TSPAN15: variants seen among roughly 807,000 people sequenced by gnomAD.
TSPAN15 encodes tetraspanin-15.
Under a neutral mutation model 34.5 loss-of-function variants are expected in TSPAN15, and 20 were observed. The ratio of observed to expected loss-of-function variants is 0.58; its 90% CI spans 0.41 to 0.84. The LOEUF is 0.84. TSPAN15 is among the 40% of genes least tolerant of loss of function. TSPAN15 has a pLI of 0.00. For synonymous variants in TSPAN15, 155 were observed against 153.9 expected (o/e 1.01, Z -0.05); for missense variants, 313 against 386.1 (o/e 0.81, Z 1.59).
chr10:69,481,988 A>C (rs1005339015), intron 1 of TSPAN15, among the ~76,000 whole-genome samples: 5 of 152,022 alleles, frequency 3.3e-5, no homozygotes, highest in African/African-American at 1.2e-4. Flanking sequence ...CCTCAGTGTC[A>C]GAATGTCTTG....
intron 1 of TSPAN15, among the ~76,000 whole-genome samples, chr10:69,464,829 G>A (rs1318448554): frequency 6.6e-6 from 1 of 152,222 alleles, no homozygotes; most frequent in Non-Finnish European, 1.5e-5. Context: ...AATCTCTAGT[G>A]TGCAGGGGGG....
chr10:69,498,181 A>G (rs1391009315), intron 4 of TSPAN15, 99 bp from the exon 5 acceptor site: 2 of 1,056,240 alleles, frequency 1.9e-6, no homozygotes, highest in East Asian at 2.4e-5. Context: ...GGTGACCCAC[A>G]TAATAAACTG....
chr10:69,490,859 C>T (rs1841953342), intron 3 of TSPAN15, among the ~76,000 whole-genome samples: 1 of 152,092 alleles, frequency 6.6e-6, no homozygotes, highest in Non-Finnish European at 1.5e-5. Context: ...GTTCCTTTTC[C>T]CAAATATTTT....
the TSPAN15 span, among the ~76,000 whole-genome samples, chr10:69,540,914 T>A: frequency 7.6e-4 from 115 of 152,282 alleles, no homozygotes; most frequent in African/African-American, 2.6e-3. Flanking sequence ...AGGCTGCAGC[T>A]GGCAGGAAGA....
chr10:69,518,325 C>T, the TSPAN15 span, among the ~76,000 whole-genome samples: 1 of 152,266 alleles, frequency 6.6e-6, no homozygotes, highest in Non-Finnish European at 1.5e-5. Context: ...ACGGGTGTCT[C>T]ACCCGAGTGC....
chr10:69,526,145 G>A, the TSPAN15 span, among the ~76,000 whole-genome samples: 2 of 147,312 alleles, frequency 1.4e-5, no homozygotes, highest in African/African-American at 2.5e-5. Context: ...TATAACCACA[G>A]ATATTGAAGA....
At chr10:69,498,167 C>G in intron 4 of TSPAN15, 113 bp from the exon 5 acceptor site, 1 of 892,846 alleles carries the variant, frequency 1.1e-6, no homozygotes, top group Non-Finnish European at 1.8e-6. Flanking sequence ...TCTCCCTGCC[C>G]CAGGGTGACC....
chr10:69,537,226 A>T, the TSPAN15 span, among the ~76,000 whole-genome samples: 1 of 152,146 alleles, frequency 6.6e-6, no homozygotes, highest in African/African-American at 2.4e-5. Context: ...CACCCTCATG[A>T]CCATGTGGCT....
At chr10:69,492,523 G>T (rs1841990607) in intron 3 of TSPAN15, among the ~76,000 whole-genome samples, 1 of 152,186 alleles carries the variant, frequency 6.6e-6, no homozygotes, top group African/African-American at 2.4e-5. Context: ...GAAGCCCAGG[G>T]ACATCTGTTG....
In TSPAN15 at chr10:69,455,580, TTCTTTCTTTC is replaced by T. The variant is rs1175882744; in HGVS notation, c.96+3902_96+3911del. The stretch of plus-strand genomic sequence containing the variant: ...CTCTCTTTCTTTCTTTCTCTTTTCT[TTCTTTCTTTC>T]TCTTTCTTTCTTTCTTTCTCTCTCT... On this transcript the variant is annotated intron_variant, in intron 1 of 7. Coordinates refer to ENST00000373290, the MANE Select transcript of TSPAN15 (RefSeq NM_012339.5). Among the ~76,000 whole-genome samples the T allele has an allele frequency of 5.4e-3, 688 of 128,298 alleles. 28 individuals carry two copies. The highest frequency in any genetic ancestry group is 8.6e-3 in the Non-Finnish European group (500 of 58,062). The allele number at this position is 128,298 out of a possible 152,430, so 84.2% of individuals were successfully genotyped here.
chr10:69,548,456 A>C, the TSPAN15 span, among the ~76,000 whole-genome samples: 1 of 152,240 alleles, frequency 6.6e-6, no homozygotes, highest in Non-Finnish European at 1.5e-5. Context: ...AGAAAACTTG[A>C]CAAAACATAT....
In TSPAN15 at chr10:69,507,086, T is replaced by G. The variant is rs940141215; in HGVS notation, c.*108T>G. 7.3e-6 allele frequency: 11 copies of G among 1,514,600 alleles called. No individual in the cohort carries two copies. The highest frequency in any genetic ancestry group is 4.7e-4 in the Middle Eastern group (2 of 4,258). 93.8% of individuals were successfully genotyped at this position (1,514,600 alleles called of 1,614,324 possible). A position where few individuals can be genotyped will look rare whatever the true frequency, so the allele number is the denominator to read the frequency against. On this transcript the variant is annotated 3_prime_UTR_variant, in exon 8 of 8. Coordinates refer to ENST00000373290, the MANE Select transcript of TSPAN15 (RefSeq NM_012339.5). ...CGGCCCCTCTGCCCACACTCAGTAC[T>G]GACCAAAGCCAGGGCTGTGTGTGCC... is the stretch of plus-strand genomic sequence containing the variant.
At chr10:69,493,470 CTTT>C (rs5785919) in intron 3 of TSPAN15, among the ~76,000 whole-genome samples, 15 of 118,810 alleles carry the variant, frequency 1.3e-4, no homozygotes, top group African/African-American at 3.7e-4. Context: ...AGCCCATCTC[CTTT>C]TTTTTTTTTT....
At chr10:69,543,817 A>G in the TSPAN15 span, among the ~76,000 whole-genome samples, 3 of 141,674 alleles carry the variant, frequency 2.1e-5, no homozygotes, top group Non-Finnish European at 3.1e-5. Context: ...GGGGAGGAGA[A>G]GAGGGGGAGA....
chr10:69,528,883 T>C, the TSPAN15 span, among the ~76,000 whole-genome samples: 3 of 147,800 alleles, frequency 2.0e-5, 1 homozygote, highest in Non-Finnish European at 4.5e-5. Flanking sequence ...AAGTATATGC[T>C]GATCGGTCCA....
intron 1 of TSPAN15, among the ~76,000 whole-genome samples, chr10:69,468,696 C>T (rs1490623850): frequency 2.6e-5 from 4 of 151,874 alleles, no homozygotes; most frequent in African/African-American, 9.7e-5. Context: ...TGTGACCCCA[C>T]TCCTCTAAAT....
At chr10:69,502,941 CTTG>C (rs1208654975) in intron 5 of TSPAN15, among the ~76,000 whole-genome samples, 1 of 152,202 alleles carries the variant, frequency 6.6e-6, no homozygotes, top group Non-Finnish European at 1.5e-5. Context: ...GGGACTTTGT[CTTG>C]TTGTTCTGTA....
intron 4 of TSPAN15, among the ~76,000 whole-genome samples, 187 bp from the exon 5 acceptor site, chr10:69,498,093 G>C (rs1024887050): frequency 2.0e-5 from 3 of 152,180 alleles, no homozygotes; most frequent in African/African-American, 4.8e-5. Flanking sequence ...TAGTGACAGG[G>C]GGTTCACTAC....
At chr10:69,513,770 C>T in the TSPAN15 span, among the ~76,000 whole-genome samples, 2 of 152,226 alleles carry the variant, frequency 1.3e-5, no homozygotes, top group African/African-American at 4.8e-5. Flanking sequence ...CTACAAAGTA[C>T]GCATCAAAGT....
Sources: allele counts gnomAD v4.1 joint callset (sites outside exome capture counted in the v4.1 genomes callset), GRCh38; gene constraint gnomAD v4.1.1; transcripts MANE v1.5; gene names NCBI Gene and HGNC (gene_info 2026-07-23, HGNC 2026-07-21).